Variants in DOCK7 observed in about 807,000 individuals in gnomAD.
DOCK7 encodes the protein dedicator of cytokinesis protein 7.
In DOCK7, 138 loss-of-function variants were observed where a neutral mutation model predicts 271.0. The ratio of observed to expected loss-of-function variants is 0.51; its 90% CI spans 0.44 to 0.59. The LOEUF (loss-of-function observed/expected upper bound fraction) is 0.59, where lower values mean the gene tolerates loss of function less well. Among genes scored for constraint, DOCK7 ranks in the 20% least tolerant of loss-of-function variants. The probability of loss-of-function intolerance (pLI) is 0.00; values close to 1 mark genes in which losing one functional copy is unlikely to be tolerated. For synonymous variants in DOCK7, 823 were observed against 876.1 expected, an observed-to-expected ratio of 0.94 and a Z score of 1.07; for missense variants, 2,066 against 2,592.4, an observed-to-expected ratio of 0.80 and a Z score of 4.41.
rs760870648 is a variant in DOCK7 at position 62,688,235 on chromosome 1, C to A, written c.30G>T (p.Lys10Asn). MAERRAFAQ[K>N]ISRTVAAEVR... The stretch of plus-strand genomic sequence containing the variant: ...CCACGCCGGATATTTACCTGCTGAT[C>A]TTCTGGGCGAAGGCGCGGCGCTCGG... Residue 10 changes from lysine to asparagine, a missense_variant, in exon 1 of 50, where the codon AAG becomes AAT. Transcript: ENST00000635253. 7.3e-7 allele frequency: 1 copy of A among 1,376,890 alleles called. No individual in the cohort carries two copies. The allele number at this position is 1,376,890 out of a possible 1,614,324, so 85.3% of individuals were successfully genotyped here. A position where few individuals can be genotyped will look rare whatever the true frequency, so the allele number is the denominator to read the frequency against.
At chr1:62,563,699 G>T (rs185458278) in intron 18 of DOCK7, among the ~76,000 whole-genome samples, 6 of 151,520 alleles carry the variant, frequency 4.0e-5, no homozygotes, top group African/African-American at 1.5e-4. Context: ...ACACAACAAT[G>T]TTAACTCCGA....
In DOCK7 at chr1:62,688,221, A is replaced by G. The variant is rs1029588198; in HGVS notation, c.38+6T>C. ...GGCGGCGGCGCGCCCCACGCCGGAT[A>G]TTTACCTGCTGATCTTCTGGGCGAA... On this transcript the variant is annotated splice_donor_region_variant and intron_variant, in intron 1 of 49. Coordinates refer to ENST00000635253, the MANE Select transcript of DOCK7 (RefSeq NM_001367561.1). 18 of 1,377,846 alleles carry G rather than the reference A, an allele frequency of 1.3e-5. No homozygotes were observed. The Admixed American group carries it at 4.8e-4, about 36-fold the overall frequency. The allele number at this position is 1,377,846 out of a possible 1,614,324, so 85.4% of individuals were successfully genotyped here.
In DOCK7 at chr1:62,615,978, G is replaced by C. The variant is rs544539658; in HGVS notation, c.1682+2728C>G. Reference sequence around the variant, plus strand: ...GCCTTACCAATACTAACCACTTCAAGTGAGAAAGCATTCCACCCTAAAAAC... The same window carrying C: ...GCCTTACCAATACTAACCACTTCAACTGAGAAAGCATTCCACCCTAAAAAC... On this transcript the variant is annotated intron_variant, in intron 14 of 49. Coordinates refer to ENST00000635253, the MANE Select transcript of DOCK7 (RefSeq NM_001367561.1). 2.0e-5 allele frequency among the ~76,000 whole-genome samples: 3 copies of C among 151,842 alleles called. No individual in the cohort carries two copies. The South Asian group carries it at 6.2e-4, about 31-fold the overall frequency.
chr1:62,508,223 C>A (rs545623311), intron 34 of DOCK7, among the ~76,000 whole-genome samples, 165 bp from the exon 35 acceptor site: 2 of 152,248 alleles, frequency 1.3e-5, no homozygotes, highest in South Asian at 4.1e-4. Context: ...CACATTTATG[C>A]AGCTTTTTTG....
At chr1:62,465,179 A>C (rs1341295639) in intron 48 of DOCK7, among the ~76,000 whole-genome samples, 1 of 152,208 alleles carries the variant, frequency 6.6e-6, no homozygotes. Flanking sequence ...ATCTGCTTAA[A>C]ATGCCATGTG....
intron 21 of DOCK7, among the ~76,000 whole-genome samples, chr1:62,555,585 T>G (rs1646114074): frequency 6.6e-6 from 1 of 152,172 alleles, no homozygotes; most frequent in Non-Finnish European, 1.5e-5. Flanking sequence ...TTCCAAAAAT[T>G]AACTCAACCA....
chr1:62,684,724 A>G (rs1557908427), intron 1 of DOCK7, among the ~76,000 whole-genome samples: 1 of 152,208 alleles, frequency 6.6e-6, no homozygotes, highest in Non-Finnish European at 1.5e-5. Flanking sequence ...CTTATCCTCA[A>G]AAAGCAAAGG....
intron 24 of DOCK7, 62 bp downstream of exon 24, chr1:62,543,594 T>C: frequency 2.4e-6 from 3 of 1,262,958 alleles, no homozygotes; most frequent in Non-Finnish European, 3.4e-6. Context: ...AAAGAAATCT[T>C]ACATCTATTT....
chr1:62,672,610 T>C (rs1660138821), intron 1 of DOCK7, among the ~76,000 whole-genome samples: 1 of 152,156 alleles, frequency 6.6e-6, no homozygotes, highest in Non-Finnish European at 1.5e-5. Flanking sequence ...CCAAAGATTA[T>C]CACTAGAATG....
In DOCK7 at chr1:62,544,235, T is replaced by C. The variant is rs187097862; in HGVS notation, c.2860-490A>G. Among the ~76,000 whole-genome samples, 33 of 152,286 alleles carry C rather than the reference T, an allele frequency of 2.2e-4. No individual in the cohort carries two copies. The East Asian group carries it at 2.9e-3, about 13-fold the overall frequency. Reference sequence around the variant, plus strand: ...AATCAAATATAAATCATTTACAATATTAGAAATGGAATTAAAAATTTTATT... The same window carrying C: ...AATCAAATATAAATCATTTACAATACTAGAAATGGAATTAAAAATTTTATT... On this transcript the variant is annotated intron_variant, in intron 23 of 49. Coordinates refer to ENST00000635253, the MANE Select transcript of DOCK7 (RefSeq NM_001367561.1).
rs1347928618 is a variant in DOCK7 at position 62,680,930 on chromosome 1, G to A, written c.38+7297C>T. 2.6e-5 allele frequency among the ~76,000 whole-genome samples: 4 copies of A among 152,358 alleles called. No homozygotes were observed. In the South Asian group the frequency reaches 6.2e-4, roughly 24 times the overall value. ...GGAGAAATAGGAACACTTTTACAGT[G>A]TTGGTGGGACTGTAAACTAATTCAA... On this transcript the variant is annotated intron_variant, in intron 1 of 49. Transcript: ENST00000635253.
intron 14 of DOCK7, chr1:62,604,354 T>G (rs1258319282): frequency 2.7e-5 from 35 of 1,278,730 alleles, no homozygotes; most frequent in Non-Finnish European, 3.5e-5. Flanking sequence ...GCGTTTTCTC[T>G]CTAGACGAAA....
At chr1:62,645,887 C>G (rs1287461676) in intron 7 of DOCK7, among the ~76,000 whole-genome samples, 1 of 152,156 alleles carries the variant, frequency 6.6e-6, no homozygotes, top group Admixed American at 6.5e-5. Context: ...GTGGCTCACA[C>G]CTGTAATCCC....
chr1:62,478,776 T>C (rs1646036804), intron 43 of DOCK7: 1 of 152,070 alleles, frequency 6.6e-6, no homozygotes, highest in Non-Finnish European at 1.5e-5. Context: ...AAAAAATCTA[T>C]GAGTGAAAGA....
At chr1:62,613,557 ATAAAAG>A (rs915243730) in intron 14 of DOCK7, among the ~76,000 whole-genome samples, 4 of 152,212 alleles carry the variant, frequency 2.6e-5, no homozygotes, top group African/African-American at 9.6e-5. Context: ...AGTGTACATA[ATAAAAG>A]TAAATTAAAC....
At chr1:62,540,314 C>T (rs867031104) in intron 25 of DOCK7, among the ~76,000 whole-genome samples, 1 of 152,040 alleles carries the variant, frequency 6.6e-6, no homozygotes. Flanking sequence ...GCTAGGACTA[C>T]AGGTGCACAC....
chr1:62,604,460 T>C, intron 14 of DOCK7: 1 of 899,370 alleles, frequency 1.1e-6, no homozygotes, highest in Non-Finnish European at 1.7e-6. Context: ...GTGTATAGAT[T>C]ATTTATACAG....
intron 3 of DOCK7, 87 bp downstream of exon 3, chr1:62,653,897 C>A: frequency 6.6e-7 from 1 of 1,511,610 alleles, no homozygotes; most frequent in Non-Finnish European, 9.1e-7. Flanking sequence ...AATGATGATG[C>A]TATAAGAAGT....
chr1:62,624,500 C>T (rs1015372192), intron 12 of DOCK7, among the ~76,000 whole-genome samples: 1 of 152,098 alleles, frequency 6.6e-6, no homozygotes, highest in African/African-American at 2.4e-5. Flanking sequence ...CTAAAAATAA[C>T]ACTGACCTCA....
Sources: gnomAD v4.1 joint callset for allele counts (sites outside exome capture counted in the v4.1 genomes callset) on GRCh38, gnomAD v4.1.1 for gene constraint, MANE v1.5 for transcripts, NCBI Gene and HGNC (gene_info 2026-07-23, HGNC 2026-07-21) for gene names.